DNM3: variants seen among roughly 807,000 people sequenced by gnomAD.
DNM3 encodes the protein dynamin 3, also known as dynamin-3.
A neutral mutation model predicts 101.6 loss-of-function variants in DNM3; 47 were observed. The ratio of observed to expected loss-of-function variants is 0.46; its 90% confidence interval spans 0.37 to 0.59. The LOEUF (loss-of-function observed/expected upper bound fraction) is 0.59. Among genes scored for constraint, DNM3 ranks in the 20% least tolerant of loss-of-function variants. DNM3 has a pLI of 0.00. For missense variants in DNM3, 849 were observed against 1,085.7 expected, an observed-to-expected ratio of 0.78 and a Z score of 3.06; for synonymous variants, 385 against 387.9, an observed-to-expected ratio of 0.99 and a Z score of 0.09.
chr1:172,383,088 G>A (rs1278192191), intron 18 of DNM3, among the ~76,000 whole-genome samples: 2 of 152,066 alleles, frequency 1.3e-5, no homozygotes, highest in Non-Finnish European at 2.9e-5. Flanking sequence ...GCACTGATTT[G>A]TTTCCACCAG....
chr1:171,848,199 C>T (rs745413804), intron 1 of DNM3, among the ~76,000 whole-genome samples: 5 of 152,138 alleles, frequency 3.3e-5, no homozygotes, highest in Non-Finnish European at 7.4e-5. Context: ...CCTCACCCTG[C>T]CTCCTCCTTT....
At chr1:172,051,233 T>C (rs2050184624) in intron 10 of DNM3, among the ~76,000 whole-genome samples, 1 of 152,176 alleles carries the variant, frequency 6.6e-6, no homozygotes, top group Non-Finnish European at 1.5e-5. Context: ...CCAAAGATTA[T>C]TCCTTCACCT....
chr1:172,211,802 C>G, intron 14 of DNM3, among the ~76,000 whole-genome samples: 1 of 151,976 alleles, frequency 6.6e-6, no homozygotes, highest in East Asian at 1.9e-4. Context: ...GCTGCAGAAA[C>G]TGAAATAAGA....
At chr1:171,921,596 T>C (rs372717190) in intron 1 of DNM3, among the ~76,000 whole-genome samples, 152 bp from the exon 2 acceptor site, 55 of 152,128 alleles carry the variant, frequency 3.6e-4, no homozygotes, top group African/African-American at 1.3e-3. Flanking sequence ...AATTTGAAAA[T>C]GCTTCTTTTA....
intron 2 of DNM3, among the ~76,000 whole-genome samples, chr1:171,927,310 G>T (rs1571656227): frequency 6.6e-6 from 1 of 152,300 alleles, no homozygotes; most frequent in Non-Finnish European, 1.5e-5. Context: ...TGTCATGGGG[G>T]TTTGTGGTAC....
chr1:172,284,749 C>T (rs962329264), intron 15 of DNM3, among the ~76,000 whole-genome samples: 6 of 152,052 alleles, frequency 3.9e-5, no homozygotes, highest in Admixed American at 1.3e-4. Flanking sequence ...AAATTGCTAC[C>T]GTTTTTACTA....
At chr1:172,054,068 A>C (rs934771063) in intron 10 of DNM3, among the ~76,000 whole-genome samples, 9 of 152,212 alleles carry the variant, frequency 5.9e-5, no homozygotes, top group Admixed American at 3.3e-4. Flanking sequence ...TTCCAGCTAT[A>C]TTGTAATTAT....
intron 15 of DNM3, among the ~76,000 whole-genome samples, chr1:172,261,271 A>G (rs1043710978): frequency 2.0e-5 from 3 of 152,138 alleles, no homozygotes; most frequent in African/African-American, 7.2e-5. Flanking sequence ...ATTGCTTTTG[A>G]AAAGGAGAAC....
At chr1:171,892,206 C>G (rs1234647920) in intron 1 of DNM3, among the ~76,000 whole-genome samples, 1 of 151,858 alleles carries the variant, frequency 6.6e-6, no homozygotes, top group Non-Finnish European at 1.5e-5. Flanking sequence ...TTGAATACTT[C>G]CTAATTTTCT....
intron 14 of DNM3, among the ~76,000 whole-genome samples, chr1:172,188,754 C>G (rs1355303126): frequency 6.6e-6 from 1 of 152,030 alleles, no homozygotes; most frequent in Non-Finnish European, 1.5e-5. Context: ...AAGAAACTAC[C>G]AAATTATCTT....
chr1:172,163,983 ACAC>A (rs1252471652), intron 14 of DNM3, among the ~76,000 whole-genome samples: 3 of 143,198 alleles, frequency 2.1e-5, no homozygotes, highest in Non-Finnish European at 4.7e-5. Flanking sequence ...ACACACACAC[ACAC>A]ATCTCACATT....
At chr1:172,350,313 ATC>A (rs2067140012) in intron 17 of DNM3, among the ~76,000 whole-genome samples, 1 of 85,020 alleles carries the variant, frequency 1.2e-5, no homozygotes, top group African/African-American at 4.4e-5. Flanking sequence ...CTTCCATTTT[ATC>A]TTGTGTGTGT....
At chr1:171,921,674 T>C in intron 1 of DNM3, 74 bp from the exon 2 acceptor site, 2 of 1,217,186 alleles carry the variant, frequency 1.6e-6, no homozygotes, top group East Asian at 2.6e-5. Context: ...AGAATTGCTG[T>C]GGAACTTGGT....
chr1:172,228,104 A>G (rs150200680), intron 14 of DNM3, among the ~76,000 whole-genome samples: 1 of 151,964 alleles, frequency 6.6e-6, no homozygotes, highest in East Asian at 1.9e-4. Flanking sequence ...TACTTTTCTC[A>G]ATTTATCATC....
chr1:172,035,998 T>C (rs1436103617), intron 6 of DNM3, among the ~76,000 whole-genome samples: 1 of 151,906 alleles, frequency 6.6e-6, no homozygotes, highest in Non-Finnish European at 1.5e-5. Flanking sequence ...TTTTTTCTTT[T>C]TTTATTTTAT....
chr1:171,848,665 G>A (rs1390071919), intron 1 of DNM3, among the ~76,000 whole-genome samples: 1 of 152,172 alleles, frequency 6.6e-6, no homozygotes, highest in African/African-American at 2.4e-5. Flanking sequence ...TAGCAAATCT[G>A]CATCCTTCAG....
At chr1:172,093,094 C>T (rs1435648100) in intron 13 of DNM3, among the ~76,000 whole-genome samples, 1 of 152,092 alleles carries the variant, frequency 6.6e-6, no homozygotes. Flanking sequence ...TTTAAATAAC[C>T]TTTCTGCTAC....
chr1:171,892,814 T>C (rs1369296381), intron 1 of DNM3, among the ~76,000 whole-genome samples: 7 of 152,102 alleles, frequency 4.6e-5, no homozygotes, highest in African/African-American at 1.7e-4. Flanking sequence ...TTAGTTGACC[T>C]AAGGCGCATG....
intron 2 of DNM3, among the ~76,000 whole-genome samples, chr1:171,927,469 G>A (rs1383567484): frequency 2.0e-5 from 3 of 151,972 alleles, no homozygotes; most frequent in African/African-American, 7.3e-5. Context: ...TCATCATTTA[G>A]CTCCCACTTA....
Sources: gnomAD v4.1 joint callset for allele counts (sites outside exome capture counted in the v4.1 genomes callset) on GRCh38, gnomAD v4.1.1 for gene constraint, MANE v1.5 for transcripts, NCBI Gene and HGNC (gene_info 2026-07-23, HGNC 2026-07-21) for gene names.